AQR: variants seen among roughly 807,000 people sequenced by gnomAD.
AQR encodes RNA helicase aquarius.
AQR carries 61 observed loss-of-function variants against 180.5 expected under a neutral mutation model. The observed-to-expected ratio is 0.34, with a 90% CI of 0.28 to 0.42. The LOEUF (loss-of-function observed/expected upper bound fraction) is 0.42. AQR is among the 10% of genes least tolerant of loss of function. AQR has a pLI of 1.00. For missense variants in AQR, 1,281 were observed against 1,798.3 expected (o/e 0.71, Z 5.20); for synonymous variants, 551 against 588.8 (o/e 0.94, Z 0.93).
rs544558640 is a variant in AQR, at chr15:34,886,303, T to C, written c.2817+223A>G. Among the ~76,000 whole-genome samples the C allele has an allele frequency of 2.2e-4, 34 of 152,252 alleles. 1 individual carries two copies. The highest frequency in any genetic ancestry group is 3.8e-4 in the Non-Finnish European group (26 of 68,008). ...GAAAAAAATGTAAAAAGTAGCAACA[T>C]TGGTCTTTCACAGAATGAGTCATCA... On this transcript the variant is annotated intron_variant, in intron 25 of 34. Coordinates refer to ENST00000156471, the MANE Select transcript of AQR (RefSeq NM_014691.3).
intron 2 of AQR, among the ~76,000 whole-genome samples, chr15:34,962,918 G>A (rs763882726): frequency 3.9e-5 from 6 of 152,108 alleles, no homozygotes; most frequent in African/African-American, 7.2e-5. Context: ...TAATGGCAAA[G>A]CTTAAGAGTC....
At chr15:34,886,447 G>T in intron 25 of AQR, 79 bp downstream of exon 25, 1 of 1,442,712 alleles carries the variant, frequency 6.9e-7, no homozygotes, top group Non-Finnish European at 9.3e-7. Flanking sequence ...TTTCATGAAG[G>T]ATCACAAGAA....
At chr15:34,952,783 CA>C in intron 4 of AQR, 101 bp downstream of exon 4, 1 of 815,270 alleles carries the variant, frequency 1.2e-6, no homozygotes, top group Non-Finnish European at 1.9e-6. Context: ...TAAATCTTCA[CA>C]AATTTAGATT....
Position 34,856,958 on chromosome 15 carries a change from G to A in AQR, c.4292C>T (p.Pro1431Leu), listed in dbSNP as rs1892594970. 5.0e-6 allele frequency: 8 copies of A among 1,613,998 alleles called. No individual in the cohort carries two copies. The Admixed American group carries it at 1.3e-4, about 27-fold the overall frequency. The change falls in exon 35 of 35, where the codon CCA becomes CTA. Residue 1431 changes from proline (P) to leucine (L), a missense_variant. Physicochemically the swap from Pro to Leu is moderately conservative, Grantham distance 98 (BLOSUM62 -3). Coordinates refer to ENST00000156471, the MANE Select transcript of AQR (RefSeq NM_014691.3). The part of the protein sequence containing the change: ...PTDTSCRQET[P>L]AFQTDTTPSE... Reference sequence around the variant, plus strand: ...GGGGGTGGTGTCAGTTTGAAAGGCTGGAGTTTCTTGACGGCAGCTGGTGTC... The same window carrying A: ...GGGGGTGGTGTCAGTTTGAAAGGCTAGAGTTTCTTGACGGCAGCTGGTGTC...
intron 11 of AQR, among the ~76,000 whole-genome samples, chr15:34,932,111 C>T (rs1435476642): frequency 2.0e-5 from 3 of 151,946 alleles, no homozygotes; most frequent in South Asian, 4.2e-4. Context: ...TAATTTAGTC[C>T]AATAATAAAA....
intron 30 of AQR, 138 bp downstream of exon 30, chr15:34,873,690 C>A (rs372820844): frequency 1.3e-5 from 8 of 601,538 alleles, no homozygotes; most frequent in African/African-American, 9.4e-5. Flanking sequence ...AATCTGAAAT[C>A]GATTTTTCAT....
Position 34,856,681 on chromosome 15 carries a change from T to C in AQR, c.*111A>G. 1 of 909,072 alleles carries C rather than the reference T, an allele frequency of 1.1e-6. No individual in the cohort carries two copies. Among genetic ancestry groups the C allele is most frequent in the Non-Finnish European group, 1.6e-6 (1 of 634,282 alleles). The allele number at this position is 909,072 out of a possible 1,614,324, so 56.3% of individuals were successfully genotyped here. ...GAAATCAGTTAACAAATATAAGAAC[T>C]AAACATTAATTAGTGACAGTAAAAT... On this transcript the variant is annotated 3_prime_UTR_variant, in exon 35 of 35. Coordinates refer to ENST00000156471, the MANE Select transcript of AQR (RefSeq NM_014691.3).
intron 1 of AQR, among the ~76,000 whole-genome samples, chr15:34,966,098 C>T (rs925860473): frequency 1.3e-5 from 2 of 152,098 alleles, no homozygotes; most frequent in African/African-American, 4.8e-5. Context: ...AAAAACTTTC[C>T]ATTCTCTACT....
intron 15 of AQR, among the ~76,000 whole-genome samples, chr15:34,915,520 T>A (rs1470419127): frequency 2.0e-5 from 3 of 152,082 alleles, no homozygotes; most frequent in African/African-American, 7.2e-5. Context: ...ATATTTGTTC[T>A]CTGTATTAAA....
intron 3 of AQR, among the ~76,000 whole-genome samples, chr15:34,960,304 G>C (rs2050267241): frequency 6.6e-6 from 1 of 152,170 alleles, no homozygotes; most frequent in Non-Finnish European, 1.5e-5. Context: ...ACATGAACCA[G>C]GGATTGGGGG....
At chr15:34,933,528 T>C (rs984056093) in intron 10 of AQR, among the ~76,000 whole-genome samples, 5 of 152,084 alleles carry the variant, frequency 3.3e-5, no homozygotes, top group East Asian at 1.9e-4. Context: ...TTCACAAACA[T>C]TGGGCACATT....
intron 34 of AQR, among the ~76,000 whole-genome samples, chr15:34,857,525 G>A (rs960380816): frequency 2.0e-5 from 3 of 152,030 alleles, no homozygotes; most frequent in Non-Finnish European, 2.9e-5. Context: ...CAAGGCAGGC[G>A]GATCACTTGA....
intron 17 of AQR, among the ~76,000 whole-genome samples, chr15:34,909,155 C>T (rs995427635): frequency 1.3e-5 from 2 of 152,202 alleles, no homozygotes; most frequent in African/African-American, 2.4e-5. Context: ...AACAGCTACA[C>T]TGGTAGTAAT....
intron 2 of AQR, among the ~76,000 whole-genome samples, chr15:34,961,679 GA>G (rs1429984332): frequency 9.8e-4 from 44 of 44,694 alleles, no homozygotes; most frequent in African/African-American, 3.1e-3. Context: ...AAAAAAAAAA[GA>G]AAAAAAGAAC....
chr15:34,898,517 G>C (rs1893281169), intron 20 of AQR, among the ~76,000 whole-genome samples: 1 of 152,212 alleles, frequency 6.6e-6, no homozygotes, highest in Non-Finnish European at 1.5e-5. Flanking sequence ...AGTGAGGTGA[G>C]ACAGGGAGGA....
intron 3 of AQR, among the ~76,000 whole-genome samples, chr15:34,959,589 A>T (rs2050262282): frequency 1.3e-5 from 2 of 152,218 alleles, no homozygotes; most frequent in South Asian, 4.1e-4. Context: ...ATCTACACCC[A>T]ATCCTACCCC....
intron 21 of AQR, 68 bp downstream of exon 21, chr15:34,897,491 C>T: frequency 6.4e-7 from 1 of 1,552,126 alleles, no homozygotes. Flanking sequence ...AATTTAAAAA[C>T]ATTCCTAATC....
intron 3 of AQR, among the ~76,000 whole-genome samples, chr15:34,953,818 T>G (rs1330284127): frequency 6.6e-6 from 1 of 152,222 alleles, no homozygotes; most frequent in African/African-American, 2.4e-5. Flanking sequence ...TAGGACCTCA[T>G]GATAAAAGAC....
intron 12 of AQR, 34 bp downstream of exon 12, chr15:34,930,224 G>T (rs755824256): frequency 7.5e-7 from 1 of 1,325,160 alleles, no homozygotes; most frequent in Non-Finnish European, 1.1e-6. Flanking sequence ...AAAACCTTAT[G>T]GAGCATACAC....
Sources: allele counts gnomAD v4.1 joint callset (sites outside exome capture counted in the v4.1 genomes callset), GRCh38; gene constraint gnomAD v4.1.1; transcripts MANE v1.5; gene names NCBI Gene and HGNC (gene_info 2026-07-23, HGNC 2026-07-21).